KCNA2: variants seen among roughly 807,000 people sequenced by gnomAD.
KCNA2 encodes the protein potassium voltage-gated channel subfamily A member 2.
In KCNA2, 11 loss-of-function variants were observed where a neutral mutation model predicts 33.4. The ratio of observed to expected loss-of-function variants is 0.33; its 90% CI spans 0.21 to 0.55. KCNA2 has a LOEUF of 0.55. Among genes scored for constraint, KCNA2 ranks in the 20% least tolerant of loss-of-function variants. The pLI is 0.93. For missense variants in KCNA2, 291 were observed against 621.6 expected, an observed-to-expected ratio of 0.47 and a Z score of 5.66; for synonymous variants, 222 against 231.3, an observed-to-expected ratio of 0.96 and a Z score of 0.37.
chr1:110,625,604 TACA>T (rs989570359), intron 1 of KCNA2, among the ~76,000 whole-genome samples: 4 of 152,142 alleles, frequency 2.6e-5, no homozygotes, highest in South Asian at 2.1e-4. Context: ...TAAATTCAAT[TACA>T]ACAACAACAA....
Position 110,602,879 on chromosome 1 carries a change from C to A in KCNA2, c.*404G>T, listed in dbSNP as rs1311654483. ...TTTAAAGCTAAGCCATGATTGTGTT[C>A]CTCTGTGAAAGGGCAGGTGGGCTCA... On this transcript the variant is annotated 3_prime_UTR_variant, in exon 3 of 3. Coordinates refer to ENST00000316361, the MANE Select transcript of KCNA2 (RefSeq NM_004974.4). 3.0e-5 allele frequency: 31 copies of A among 1,020,238 alleles called. No homozygotes were observed. Among genetic ancestry groups the A allele is most frequent in the Non-Finnish European group, 3.3e-5 (28 of 853,326 alleles). The allele number at this position is 1,020,238 out of a possible 1,614,324, so 63.2% of individuals were successfully genotyped here.
At chr1:110,631,199 G>C (rs1650550565) in intron 1 of KCNA2, among the ~76,000 whole-genome samples, 1 of 152,082 alleles carries the variant, frequency 6.6e-6, no homozygotes, top group Non-Finnish European at 1.5e-5. Flanking sequence ...CTGATCCCCG[G>C]GTTGCTTTTC....
At position 110,603,282 on chromosome 1, in the gene KCNA2, A is replaced by G. The variant is rs1649438472; in HGVS notation, c.*1T>C. The G allele has an allele frequency of 3.1e-6, 5 of 1,597,418 alleles. No individual in the cohort carries two copies. The highest frequency in any genetic ancestry group is 4.3e-6 in the Non-Finnish European group (5 of 1,172,222). On this transcript the variant is annotated 3_prime_UTR_variant, in exon 3 of 3. Transcript: ENST00000316361. This position sits in a 1 kb window ranked among gnomAD's most constrained non-coding sequence, Gnocchi z 5.7. ...GCTGTGAGTACGGTAATAGGTTTCA[A>G]TCAGACATCAGTTAACATTTTGGTA...
At chr1:110,619,202 C>A (rs991605246) in intron 1 of KCNA2, among the ~76,000 whole-genome samples, 1 of 152,170 alleles carries the variant, frequency 6.6e-6, no homozygotes, top group Non-Finnish European at 1.5e-5. Flanking sequence ...AGACTGTACC[C>A]CCAAACATGC....
chr1:110,613,186 T>G (rs1029980968), intron 1 of KCNA2, among the ~76,000 whole-genome samples: 3 of 152,206 alleles, frequency 2.0e-5, no homozygotes, highest in African/African-American at 7.2e-5. Context: ...CTTCAATGAC[T>G]TCTTCTGACA....
chr1:110,630,834 G>C (rs1165656143), intron 1 of KCNA2, among the ~76,000 whole-genome samples: 3 of 152,110 alleles, frequency 2.0e-5, no homozygotes, highest in African/African-American at 4.8e-5. Flanking sequence ...ACTCCCCAAA[G>C]AGCCTCAGCA....
chr1:110,601,260 G>A lies in KCNA2; in HGVS notation c.*2023C>T. On this transcript the variant is annotated 3_prime_UTR_variant, in exon 3 of 3. Transcript: ENST00000316361. ...CTAGGGACTCCATCACTTAGTCCCGGACTTCAGACATTTCCACATAGAGGA... is the reference window on the plus strand; with the variant it reads ...CTAGGGACTCCATCACTTAGTCCCGAACTTCAGACATTTCCACATAGAGGA... 2 of 985,406 alleles carry A rather than the reference G, an allele frequency of 2.0e-6. No individual in the cohort carries two copies. Among genetic ancestry groups the A allele is most frequent in the Non-Finnish European group, 2.4e-6 (2 of 829,916 alleles). 61.0% of individuals were successfully genotyped at this position (985,406 alleles called of 1,614,324 possible).
intron 1 of KCNA2, among the ~76,000 whole-genome samples, chr1:110,618,738 G>A (rs75343368): frequency 0.056 from 8,524 of 151,766 alleles, 329 homozygotes; most frequent in Non-Finnish European, 0.094. Context: ...CCTCTGAGTA[G>A]CACCACTCCT....
intron 1 of KCNA2, among the ~76,000 whole-genome samples, chr1:110,615,877 G>T (rs577820097): frequency 1.3e-5 from 2 of 152,176 alleles, no homozygotes; most frequent in Non-Finnish European, 1.5e-5. Context: ...TCTCACACTC[G>T]CAACCAGGAG....
upstream of KCNA2, among the ~76,000 whole-genome samples, chr1:110,608,653 A>G: frequency 6.6e-6 from 1 of 152,146 alleles, no homozygotes; most frequent in East Asian, 1.9e-4. Context: ...ATGACAGATG[A>G]CTATAGAGAA....
chr1:110,620,083 AGAGAGT>A lies in KCNA2; in HGVS notation c.-496+11306_-496+11311del, dbSNP rs1297255198. On this transcript the variant is annotated intron_variant, in intron 1 of 4. Coordinates refer to the KCNA2 transcript ENST00000369770. Reference sequence around the variant, plus strand: ...GAGAGAGAGAGAGAGAGAGAGAGAGAGAGAGTGAGTGAGAGAGAGAGAGAGAAATTT... The same window carrying A: ...GAGAGAGAGAGAGAGAGAGAGAGAGAGAGTGAGAGAGAGAGAGAGAAATTT... 7.7e-3 allele frequency among the ~76,000 whole-genome samples: 1,092 copies of A among 142,128 alleles called. 5 individuals are homozygous for A. The highest frequency in any genetic ancestry group is 0.03 in the African/African-American group (1,037 of 34,248). The allele number at this position is 142,128 out of a possible 152,430, so 93.2% of individuals were successfully genotyped here. A position where few individuals can be genotyped will look rare whatever the true frequency, so the allele number is the denominator to read the frequency against.
chr1:110,611,351 G>T (rs1649866466), upstream of KCNA2, among the ~76,000 whole-genome samples: 1 of 152,190 alleles, frequency 6.6e-6, no homozygotes, highest in Non-Finnish European at 1.5e-5. Context: ...CCTCTAAGGG[G>T]CCCCTTCATG....
At chr1:110,630,022 T>C (rs991573601) in intron 1 of KCNA2, among the ~76,000 whole-genome samples, 4 of 149,918 alleles carry the variant, frequency 2.7e-5, no homozygotes, top group Admixed American at 1.3e-4. Context: ...TTTTTTTTTT[T>C]TTTTTTTTTT....
rs1482817199 is a variant in KCNA2 at position 110,603,634 on chromosome 1, A to G, written c.1149T>C (p.Thr383=). The G allele has an allele frequency of 1.9e-6, 3 of 1,614,142 alleles. No individual in the cohort carries two copies. In the Admixed American group the frequency reaches 5.0e-5, roughly 27 times the overall value. Residue 383 remains threonine (T), a synonymous_variant, in exon 3 of 3, where the codon ACT becomes ACC. Transcript: ENST00000316361. This position sits in a 1 kb window ranked among gnomAD's most constrained non-coding sequence, Gnocchi z 5.7. The part of the protein sequence containing the change: ...TTVGYGDMVP[T]TIGGKIVGSL... ...AACCCACTATCTTTCCCCCAATGGT[A>G]GTCGGAACCATGTCTCCATAGCCTA... is the stretch of plus-strand genomic sequence containing the variant.
chr1:110,620,085 AGAGT>A lies in KCNA2; in HGVS notation c.-496+11306_-496+11309del, dbSNP rs1366651891. On this transcript the variant is annotated intron_variant, in intron 1 of 4. Transcript: ENST00000369770. Reference sequence around the variant, plus strand: ...GAGAGAGAGAGAGAGAGAGAGAGAGAGAGTGAGTGAGAGAGAGAGAGAGAAATTT... The same window carrying A: ...GAGAGAGAGAGAGAGAGAGAGAGAGAGAGTGAGAGAGAGAGAGAGAAATTT... Among the ~76,000 whole-genome samples the A allele has an allele frequency of 5.8e-3, 820 of 140,904 alleles. 9 individuals carry two copies. The highest frequency in any genetic ancestry group is 0.023 in the African/African-American group (782 of 33,834). 92.4% of individuals were successfully genotyped at this position (140,904 alleles called of 152,430 possible).
intron 1 of KCNA2, among the ~76,000 whole-genome samples, chr1:110,625,721 T>C (rs1650371622): frequency 6.6e-6 from 1 of 152,158 alleles, no homozygotes; most frequent in Non-Finnish European, 1.5e-5. Context: ...AATCTTCATA[T>C]ATAAAGAGCT....
In KCNA2 at chr1:110,602,892, G is replaced by C; in HGVS notation, c.*391C>G. The C allele has an allele frequency of 9.7e-7, 1 of 1,030,660 alleles. No individual in the cohort carries two copies. Among genetic ancestry groups the C allele is most frequent in the South Asian group, 4.2e-5 (1 of 24,032 alleles). 63.8% of individuals were successfully genotyped at this position (1,030,660 alleles called of 1,614,324 possible). A position where few individuals can be genotyped will look rare whatever the true frequency, so the allele number is the denominator to read the frequency against. On this transcript the variant is annotated 3_prime_UTR_variant, in exon 3 of 3. Transcript: ENST00000316361. ...CATGATTGTGTTCCTCTGTGAAAGG[G>C]CAGGTGGGCTCAAATAAGGTGGTGG...
intron 1 of KCNA2, among the ~76,000 whole-genome samples, chr1:110,615,960 A>G (rs774347088): frequency 6.6e-6 from 1 of 152,236 alleles, no homozygotes; most frequent in Non-Finnish European, 1.5e-5. Context: ...ACATGGGTGC[A>G]GGGACGTGCC....
At chr1:110,611,695 C>T (rs570963726) in intron 1 of KCNA2, among the ~76,000 whole-genome samples, 1 of 149,808 alleles carries the variant, frequency 6.7e-6, no homozygotes, top group East Asian at 2.0e-4. Flanking sequence ...CACTGCACTC[C>T]AGCCTGGCAG....
Sources: allele counts gnomAD v4.1 joint callset (sites outside exome capture counted in the v4.1 genomes callset), GRCh38; gene constraint gnomAD v4.1.1; non-coding constraint Gnocchi (gnomAD v3.1); transcripts MANE v1.5; gene names NCBI Gene and HGNC (gene_info 2026-07-23, HGNC 2026-07-21).